Variants in TMCO5A observed in about 807,000 individuals in gnomAD.
TMCO5A encodes transmembrane and coiled-coil domains 5A.
In TMCO5A, 34 loss-of-function variants were observed where a neutral mutation model predicts 42.3. The ratio of observed to expected loss-of-function variants is 0.80; its 90% CI spans 0.61 to 1.07. The LOEUF (loss-of-function observed/expected upper bound fraction) is 1.07. Ranked by LOEUF, TMCO5A falls within the 50% of genes least tolerant of loss-of-function variation. TMCO5A has a pLI of 0.00. For missense variants in TMCO5A, 357 were observed against 327.9 expected (o/e 1.09, Z -0.69); for synonymous variants, 131 against 115.6 (o/e 1.13, Z -0.86).
chr15:38,032,926 C>CTTTTTTTT, the TMCO5A span, among the ~76,000 whole-genome samples: 1 of 100,158 alleles, frequency 1.0e-5, no homozygotes. Flanking sequence ...AATTTGGTCT[C>CTTTTTTTT]TTTTTTTTTT....
chr15:37,943,485 AC>A, intron 10 of TMCO5A, 87 bp downstream of exon 10: 1 of 1,327,664 alleles, frequency 7.5e-7, no homozygotes, highest in Non-Finnish European at 1.1e-6. Flanking sequence ...CCAAATATAT[AC>A]CCAATCTTGC....
rs1889531702 is a variant in TMCO5A at position 37,936,877 on chromosome 15, C to T, written c.171C>T (p.Gly57=). 2 of 1,612,090 alleles carry T rather than the reference C, an allele frequency of 1.2e-6. No individual in the cohort carries two copies. Among genetic ancestry groups the T allele is most frequent in the Admixed American group, 1.7e-5 (1 of 59,812 alleles). The change falls in exon 4 of 12, where the codon GGC becomes GGT. Residue 57 remains glycine (G), a synonymous_variant. Transcript: ENST00000319669. The part of the protein sequence containing the change: ...RLESEIIQTR[G]LVEDEEWEKE... Reference sequence around the variant, plus strand: ...AAAGTGAGATCATTCAGACGCGGGGCCTGGTGGAAGATGAAGAGTGGGAGA... The same window carrying T: ...AAAGTGAGATCATTCAGACGCGGGGTCTGGTGGAAGATGAAGAGTGGGAGA...
At chr15:38,024,396 C>T in the TMCO5A span, among the ~76,000 whole-genome samples, 1 of 152,114 alleles carries the variant, frequency 6.6e-6, no homozygotes, top group Non-Finnish European at 1.5e-5. Flanking sequence ...AAGAGTTGAG[C>T]CTGTAATCAC....
At chr15:37,977,753 G>C in the TMCO5A span, among the ~76,000 whole-genome samples, 1 of 152,216 alleles carries the variant, frequency 6.6e-6, no homozygotes, top group Non-Finnish European at 1.5e-5. Context: ...CAGGGCCAGG[G>C]ACTTCAGCAG....
exon 12 of TMCO5A, chr15:37,967,027 T>G (rs1404587104): frequency 4.6e-6 from 1 of 216,212 alleles, no homozygotes; most frequent in Non-Finnish European, 9.1e-6. Context: ...TGTCTTCCTA[T>G]AAGCAAAAAT....
rs1261528070 is a variant in TMCO5A, at chr15:37,941,177, A to C, written c.416A>C (p.Tyr139Ser). Residue 139 changes from tyrosine to serine, a missense_variant, in exon 7 of 12, where the codon TAT (tyrosine) becomes TCT (serine). Tyr to Ser is a moderately radical substitution (Grantham distance 144). Coordinates refer to ENST00000319669, the MANE Select transcript of TMCO5A (RefSeq NM_152453.4). ...KVKLQQLEASYACQEKELLKV... is the reference protein window; with the variant it reads ...KVKLQQLEASSACQEKELLKV... Reference sequence around the variant, plus strand: ...AAGTTACAACAGCTGGAAGCTTCCTATGCATGCCAAGAGAAGGAGCTGCTC... The same window carrying C: ...AAGTTACAACAGCTGGAAGCTTCCTCTGCATGCCAAGAGAAGGAGCTGCTC... The C allele has an allele frequency of 5.0e-6, 8 of 1,613,192 alleles. No homozygotes were observed. The East Asian group carries it at 1.8e-4, about 36-fold the overall frequency.
chr15:38,008,101 T>C, the TMCO5A span, among the ~76,000 whole-genome samples: 1 of 151,820 alleles, frequency 6.6e-6, no homozygotes, highest in Middle Eastern at 3.2e-3. Flanking sequence ...TTCACCATGT[T>C]AGCCGGGATG....
intron 10 of TMCO5A, among the ~76,000 whole-genome samples, chr15:37,945,266 C>T (rs1889905695): frequency 6.6e-6 from 1 of 152,092 alleles, no homozygotes; most frequent in Non-Finnish European, 1.5e-5. Flanking sequence ...ATTCTTTATC[C>T]AGTCTATCAT....
chr15:37,959,183 T>C (rs1183296208), intron 11 of TMCO5A, among the ~76,000 whole-genome samples: 1 of 151,902 alleles, frequency 6.6e-6, no homozygotes, highest in East Asian at 1.9e-4. Context: ...GGTTGATGGG[T>C]GCAGCAAACC....
chr15:37,935,085 G>A (rs183320926), intron 1 of TMCO5A, among the ~76,000 whole-genome samples, 172 bp from the exon 2 acceptor site: 4 of 151,992 alleles, frequency 2.6e-5, no homozygotes, highest in African/African-American at 2.4e-5. Flanking sequence ...ATCAGAACAC[G>A]GGCAGAAGAA....
At chr15:37,983,564 A>G in the TMCO5A span, among the ~76,000 whole-genome samples, 3,499 of 152,300 alleles carry the variant, frequency 0.023, 146 homozygotes, top group African/African-American at 0.08. Context: ...ACTAGGCACC[A>G]GAGGGACTCT....
the TMCO5A span, among the ~76,000 whole-genome samples, chr15:38,005,422 G>T: frequency 3.3e-5 from 3 of 92,044 alleles, no homozygotes; most frequent in Non-Finnish European, 6.1e-5. Context: ...AAAAAAAAAA[G>T]CTAGGCATGG....
At chr15:37,956,961 A>G (rs1008363376) in intron 11 of TMCO5A, among the ~76,000 whole-genome samples, 5 of 152,194 alleles carry the variant, frequency 3.3e-5, no homozygotes, top group African/African-American at 1.2e-4. Flanking sequence ...AACTTAATCC[A>G]TCACATAAAC....
At chr15:37,991,614 C>T in the TMCO5A span, among the ~76,000 whole-genome samples, 3 of 152,226 alleles carry the variant, frequency 2.0e-5, no homozygotes, top group Middle Eastern at 3.4e-3. Flanking sequence ...TCCCTTAGGA[C>T]CTTTTCACTT....
At position 37,959,667 on chromosome 15, in the gene TMCO5A, G is replaced by C. The variant is rs185858771; in HGVS notation, c.669-6958G>C. ...CATGATAAAAGCCCTCAAAGAACTGGAGATAGAAAGAACATAGCTCAACGT... is the reference window on the plus strand; with the variant it reads ...CATGATAAAAGCCCTCAAAGAACTGCAGATAGAAAGAACATAGCTCAACGT... On this transcript the variant is annotated intron_variant, in intron 11 of 11. Coordinates refer to the TMCO5A transcript ENST00000559502. Among the ~76,000 whole-genome samples, 303 of 152,076 alleles carry C rather than the reference G, an allele frequency of 2.0e-3. 2 individuals are homozygous for C. Among genetic ancestry groups the C allele is most frequent in the African/African-American group, 6.7e-3 (279 of 41,516 alleles).
the TMCO5A span, among the ~76,000 whole-genome samples, chr15:38,012,220 G>C: frequency 6.6e-6 from 1 of 152,122 alleles, no homozygotes; most frequent in Admixed American, 6.6e-5. Context: ...ACAACTTCCA[G>C]CCCAGAACAT....
At chr15:37,941,534 G>A (rs1473467318) in intron 7 of TMCO5A, 137 bp from the exon 8 acceptor site, 3 of 731,306 alleles carry the variant, frequency 4.1e-6, no homozygotes, top group Middle Eastern at 6.5e-4. Context: ...ACATTTATCT[G>A]TACAGCAAAA....
the TMCO5A span, among the ~76,000 whole-genome samples, chr15:37,980,481 T>C: frequency 2.0e-5 from 3 of 152,086 alleles, no homozygotes; most frequent in Non-Finnish European, 4.4e-5. Flanking sequence ...CTCTCTCTTC[T>C]CCGTTCTCCA....
In TMCO5A at chr15:37,942,196, C is replaced by A; in HGVS notation, c.510C>A (p.Tyr170Ter). The A allele has an allele frequency of 6.2e-7, 1 of 1,612,368 alleles. No homozygotes were observed. The change falls in exon 9 of 12, where the codon TAC becomes TAA. Residue 170 changes from tyrosine to a stop codon, truncating the protein, a stop_gained. Coordinates refer to ENST00000319669, the MANE Select transcript of TMCO5A (RefSeq NM_152453.4). LOFTEE classifies it high-confidence loss of function. ...CEDQALYIKK[Y>*]QETLKKIEEE... ...TTCTTTGTTTCTCTTTGAAGAAGTACCAGGAAACGTTGAAGAAAATAGAAG... is the reference window on the plus strand; with the variant it reads ...TTCTTTGTTTCTCTTTGAAGAAGTAACAGGAAACGTTGAAGAAAATAGAAG...
Sources: gnomAD v4.1 joint callset for allele counts (sites outside exome capture counted in the v4.1 genomes callset) on GRCh38, gnomAD v4.1.1 for gene constraint, MANE v1.5 for transcripts, NCBI Gene and HGNC (gene_info 2026-07-23, HGNC 2026-07-21) for gene names.